CELF4: variants seen among roughly 807,000 people sequenced by gnomAD.
CELF4 encodes CUGBP Elav-like family member 4, also known as CUG-BP- and ETR-3-like factor 4.
In CELF4, 18 loss-of-function variants were observed where a neutral mutation model predicts 59.9. The ratio of observed to expected loss-of-function variants is 0.30; its 90% CI spans 0.21 to 0.45. CELF4 has a LOEUF of 0.45. CELF4 is among the 20% of genes least tolerant of loss of function. The pLI is 1.00. For missense variants in CELF4, 456 were observed against 689.0 expected (o/e 0.66, Z 3.79); for synonymous variants, 261 against 267.1 (o/e 0.98, Z 0.22).
At chr18:37,310,464 T>A (rs925912521) in intron 3 of CELF4, among the ~76,000 whole-genome samples, 1 of 152,234 alleles carries the variant, frequency 6.6e-6, no homozygotes, top group Non-Finnish European at 1.5e-5. Flanking sequence ...CCCTGCAAAG[T>A]AGGCCCCCCA....
At chr18:37,546,823 C>A (rs1255839031) in intron 1 of CELF4, among the ~76,000 whole-genome samples, 4 of 152,220 alleles carry the variant, frequency 2.6e-5, no homozygotes, top group Admixed American at 6.5e-5. Context: ...GCCATAGTCC[C>A]CAGAGGTGTC....
At chr18:37,544,559 A>G (rs920033935) in intron 1 of CELF4, among the ~76,000 whole-genome samples, 2 of 152,276 alleles carry the variant, frequency 1.3e-5, no homozygotes, top group African/African-American at 4.8e-5. Context: ...ATGTCACCAG[A>G]GGAGTTGGCT....
At chr18:37,408,820 G>A (rs962405571) in intron 2 of CELF4, among the ~76,000 whole-genome samples, 3 of 152,134 alleles carry the variant, frequency 2.0e-5, no homozygotes, top group Non-Finnish European at 2.9e-5. Flanking sequence ...TACAGGTATC[G>A]CCGCCTGCTC....
intron 2 of CELF4, among the ~76,000 whole-genome samples, chr18:37,434,303 G>T (rs1419373412): frequency 6.6e-6 from 1 of 152,192 alleles, no homozygotes; most frequent in East Asian, 1.9e-4. Context: ...TCAGGCTGCT[G>T]GGCTCATGGA....
rs1384090035 is a variant in CELF4, at chr18:37,322,676, G to A, written c.370-795C>T. Among the ~76,000 whole-genome samples the A allele has an allele frequency of 3.3e-5, 5 of 152,222 alleles. No individual in the cohort carries two copies. In the East Asian group the frequency reaches 9.6e-4, roughly 29 times the overall value. On this transcript the variant is annotated intron_variant, in intron 2 of 12. Transcript: ENST00000420428. Reference sequence around the variant, plus strand: ...GCCTGGCTTCAGGGCTCACCGGGAGGCACCAGGGTGGGCTCTACAGCCCGG... The same window carrying A: ...GCCTGGCTTCAGGGCTCACCGGGAGACACCAGGGTGGGCTCTACAGCCCGG...
intron 2 of CELF4, among the ~76,000 whole-genome samples, chr18:37,436,623 A>G (rs1941949): frequency 0.36 from 54,211 of 152,110 alleles, 10,279 homozygotes; most frequent in East Asian, 0.61. Flanking sequence ...CTCAGGCTAT[A>G]CAGAGGCTTT....
At chr18:37,458,722 C>T (rs1392078742) in intron 2 of CELF4, among the ~76,000 whole-genome samples, 1 of 152,068 alleles carries the variant, frequency 6.6e-6, no homozygotes, top group Non-Finnish European at 1.5e-5. Context: ...ACATGCAGAG[C>T]TCATCACTAT....
chr18:37,301,099 G>T (rs1569548481), intron 3 of CELF4, among the ~76,000 whole-genome samples: 1 of 152,154 alleles, frequency 6.6e-6, no homozygotes. Flanking sequence ...AAGGAAGGGG[G>T]CAGTTGTCCA....
chr18:37,260,408 A>C (rs1036106787), intron 10 of CELF4, among the ~76,000 whole-genome samples: 1 of 152,182 alleles, frequency 6.6e-6, no homozygotes, highest in Non-Finnish European at 1.5e-5. Flanking sequence ...TTTTAAAGTG[A>C]CTTGTGGTCA....
chr18:37,535,987 C>T (rs1175034318), intron 1 of CELF4, among the ~76,000 whole-genome samples: 1 of 152,152 alleles, frequency 6.6e-6, no homozygotes, highest in East Asian at 1.9e-4. Context: ...CACGCCCCTG[C>T]ACATATGTCC....
chr18:37,333,574 C>G (rs918478635), intron 2 of CELF4, among the ~76,000 whole-genome samples: 2 of 152,124 alleles, frequency 1.3e-5, no homozygotes, highest in Non-Finnish European at 2.9e-5. Context: ...GGTAGGGAGG[C>G]CACGCCTCAT....
chr18:37,370,865 A>G (rs1468629651), intron 2 of CELF4, among the ~76,000 whole-genome samples: 3 of 152,124 alleles, frequency 2.0e-5, no homozygotes, highest in Non-Finnish European at 4.4e-5. Context: ...CCAGTTCTTC[A>G]ATTATTCCCA....
intron 1 of CELF4, among the ~76,000 whole-genome samples, chr18:37,487,793 C>T (rs532505312): frequency 6.6e-6 from 1 of 152,256 alleles, no homozygotes; most frequent in South Asian, 2.1e-4. Flanking sequence ...AGGAAATGAC[C>T]ATATTGTTTC....
intron 2 of CELF4, among the ~76,000 whole-genome samples, chr18:37,459,299 A>G (rs1468617881): frequency 6.6e-6 from 1 of 152,188 alleles, no homozygotes; most frequent in African/African-American, 2.4e-5. Flanking sequence ...GCTTAGACTC[A>G]GTCATCTCTC....
intron 1 of CELF4, among the ~76,000 whole-genome samples, chr18:37,538,771 G>A (rs2099975573): frequency 6.6e-6 from 1 of 152,210 alleles, no homozygotes; most frequent in African/African-American, 2.4e-5. Flanking sequence ...ACATTGTGGA[G>A]CAGTTACTTA....
intron 11 of CELF4, among the ~76,000 whole-genome samples, chr18:37,255,024 C>A (rs1468050818): frequency 1.3e-5 from 2 of 152,150 alleles, no homozygotes; most frequent in African/African-American, 4.8e-5. Context: ...AGTAAATGAA[C>A]CTTTATAGCT....
intron 1 of CELF4, among the ~76,000 whole-genome samples, chr18:37,499,948 G>C (rs546217470): frequency 3.3e-5 from 5 of 152,330 alleles, no homozygotes; most frequent in African/African-American, 1.2e-4. Flanking sequence ...AGGAGCACGA[G>C]TCAATCATCC....
intron 2 of CELF4, among the ~76,000 whole-genome samples, chr18:37,479,425 G>A (rs2099859929): frequency 6.6e-6 from 1 of 152,204 alleles, no homozygotes; most frequent in African/African-American, 2.4e-5. Flanking sequence ...GGACTGTCCT[G>A]TACATTGTAG....
At chr18:37,404,674 G>C (rs1192945426) in intron 2 of CELF4, among the ~76,000 whole-genome samples, 1 of 152,160 alleles carries the variant, frequency 6.6e-6, no homozygotes, top group African/African-American at 2.4e-5. Flanking sequence ...GGCTCACAGA[G>C]GATTCAGAGG....
Sources: allele counts gnomAD v4.1 joint callset (sites outside exome capture counted in the v4.1 genomes callset), GRCh38; gene constraint gnomAD v4.1.1; transcripts MANE v1.5; gene names NCBI Gene and HGNC (gene_info 2026-07-23, HGNC 2026-07-21).